SMCR8: variants seen among roughly 807,000 people sequenced by gnomAD.
The protein encoded by SMCR8 is SMCR8-C9orf72 complex subunit.
In SMCR8, 30 loss-of-function variants were observed where a neutral mutation model predicts 56.6. That is an observed-to-expected ratio of 0.53 (90% CI 0.40 to 0.72). The LOEUF is 0.72. SMCR8 is among the 30% of genes least tolerant of loss of function. The pLI, the probability that SMCR8 is intolerant of heterozygous loss-of-function variation, is 0.00. For missense variants in SMCR8, 1,198 were observed against 1,157.0 expected, an observed-to-expected ratio of 1.04 and a Z score of -0.51; for synonymous variants, 538 against 456.0, an observed-to-expected ratio of 1.18 and a Z score of -2.29.
Position 18,316,565 on chromosome 17 carries a change from G to A in SMCR8, c.776G>A (p.Arg259Gln), listed in dbSNP as rs200687289. The A allele has an allele frequency of 2.0e-5, 32 of 1,614,156 alleles. No homozygotes were observed. The highest frequency in any genetic ancestry group is 3.3e-4 in the Middle Eastern group (2 of 6,062). ...LLKQIRSYPH[R>Q]KLKGHDLCPG... ...AAGCAGATCCGCTCATACCCTCATC[G>A]GAAGTTGAAGGGGCATGATTTGTGT... The change falls in exon 1 of 2, where the codon CGG (arginine) becomes CAG (glutamine). Residue 259 changes from arginine to glutamine, a missense_variant. Physicochemically the swap from Arg to Gln is conservative, Grantham distance 43. Transcript: ENST00000406438.
Position 18,323,208 on chromosome 17 carries a change from G to A in SMCR8, c.*138G>A. 1.3e-6 allele frequency: 1 copy of A among 762,438 alleles called. No individual in the cohort carries two copies. The highest frequency in any genetic ancestry group is 2.7e-5 in the East Asian group (1 of 37,126). The allele number at this position is 762,438 out of a possible 1,614,324, so 47.2% of individuals were successfully genotyped here. Reference sequence around the variant, plus strand: ...CAGCATGGTTCCCACGTGGCTCCTAGTAGTTTTTAAGTTGGACATGGGCAG... The same window carrying A: ...CAGCATGGTTCCCACGTGGCTCCTAATAGTTTTTAAGTTGGACATGGGCAG... On this transcript the variant is annotated 3_prime_UTR_variant, in exon 2 of 2. Transcript: ENST00000406438.
rs1200123926 is a variant in SMCR8 at position 18,315,933 on chromosome 17, G to A, written c.144G>A (p.Leu48=). The A allele has an allele frequency of 6.2e-7, 1 of 1,614,174 alleles. No homozygotes were observed. The highest frequency in any genetic ancestry group is 8.5e-7 in the Non-Finnish European group (1 of 1,180,030). Residue 48 remains leucine, a synonymous_variant, in exon 1 of 2, where the codon CTG becomes CTA. Coordinates refer to ENST00000406438, the MANE Select transcript of SMCR8 (RefSeq NM_144775.3). ...ASQGANPWSK[L]SGAKFSRDFI... ...AGGGTGCTAACCCCTGGTCAAAACTGTCCGGGGCCAAGTTTTCGAGGGACT... is the reference window on the plus strand; with the variant it reads ...AGGGTGCTAACCCCTGGTCAAAACTATCCGGGGCCAAGTTTTCGAGGGACT...
In SMCR8 at chr17:18,316,185, C is replaced by T; in HGVS notation, c.396C>T (p.Ala132=). The part of the protein sequence containing the change: ...KVVLGDSKEG[A]FAYVHHLTLY... Reference sequence around the variant, plus strand: ...TGCTGGGAGATTCTAAGGAGGGCGCCTTTGCATACGTGCACCACCTTACCC... The same window carrying T: ...TGCTGGGAGATTCTAAGGAGGGCGCTTTTGCATACGTGCACCACCTTACCC... Residue 132 remains alanine (A), a synonymous_variant, in exon 1 of 2, where the codon GCC becomes GCT. Transcript: ENST00000406438. 3 of 1,614,030 alleles carry T rather than the reference C, an allele frequency of 1.9e-6. No homozygotes were observed. The highest frequency in any genetic ancestry group is 2.5e-6 in the Non-Finnish European group (3 of 1,180,026).
rs201100615 is a variant in SMCR8 at position 18,316,104 on chromosome 17, C to T, written c.315C>T (p.Gly105=). Residue 105 remains glycine, a synonymous_variant, in exon 1 of 2, where the codon GGC becomes GGT. Coordinates refer to ENST00000406438, the MANE Select transcript of SMCR8 (RefSeq NM_144775.3). ...TGGATTACCAGGCTTCCTTCGTGGG[C>T]CATCCTCCTGGATCTGCCTACCCCA... ...MSVDYQASFV[G]HPPGSAYPKL... is the part of the protein sequence containing the mutation. The T allele has an allele frequency of 6.1e-5, 99 of 1,614,162 alleles. No homozygotes were observed. Among genetic ancestry groups the T allele is most frequent in the Middle Eastern group, 4.9e-4 (3 of 6,062 alleles).
intron 1 of SMCR8, among the ~76,000 whole-genome samples, chr17:18,318,968 C>G (rs1202040108): frequency 3.9e-5 from 6 of 152,332 alleles, no homozygotes; most frequent in East Asian, 3.9e-4. Context: ...GCATCCTACA[C>G]AGGCATGAGG....
chr17:18,322,971 G>C lies in SMCR8; in HGVS notation c.2715G>C (p.Leu905=). 6.2e-7 allele frequency: 1 copy of C among 1,614,224 alleles called. No homozygotes were observed. ...AGGATGTTAGGGTGGTCCAGTACCT[G>C]GCTGAGCTGCTGAAGCTGCACTACA... ...VNEDVRVVQY[L]AELLKLHYMQ... is the part of the protein sequence containing the mutation. The change falls in exon 2 of 2, where the codon CTG becomes CTC. Residue 905 remains leucine, a synonymous_variant. Transcript: ENST00000406438.
At position 18,316,969 on chromosome 17, in the gene SMCR8, A is replaced by C. The variant is rs1434132429; in HGVS notation, c.1180A>C (p.Ser394Arg). ...ACAAGAAAGCATACCCTCTAAGCCCAGTCAAGACAGGCCGCCTTCCAGTTC... is the reference window on the plus strand; with the variant it reads ...ACAAGAAAGCATACCCTCTAAGCCCCGTCAAGACAGGCCGCCTTCCAGTTC... The part of the protein sequence containing the change: ...EKQESIPSKP[S>R]QDRPPSSSLE... Residue 394 changes from serine to arginine, a missense_variant, in exon 1 of 2, where the codon AGT becomes CGT. Physicochemically the swap from Ser to Arg is moderately radical, Grantham distance 110. Transcript: ENST00000406438. The C allele has an allele frequency of 6.2e-7, 1 of 1,614,254 alleles. No individual in the cohort carries two copies. Among genetic ancestry groups the C allele is most frequent in the East Asian group, 2.2e-5 (1 of 44,880 alleles).
rs1041934560 is a variant in SMCR8, at chr17:18,327,791, G to T, written c.*4721G>T. 2.6e-5 allele frequency: 4 copies of T among 152,596 alleles called. No homozygotes were observed. The highest frequency in any genetic ancestry group is 5.9e-5 in the Non-Finnish European group (4 of 68,032). 9.5% of individuals were successfully genotyped at this position (152,596 alleles called of 1,614,324 possible). On this transcript the variant is annotated 3_prime_UTR_variant, in exon 2 of 2. Transcript: ENST00000406438. ...CAGCGGCTGGTGCAGGAGTGCAGCTGGCGCGTGTGTGATAGCATCTCGTAG... is the reference window on the plus strand; with the variant it reads ...CAGCGGCTGGTGCAGGAGTGCAGCTTGCGCGTGTGTGATAGCATCTCGTAG...
Position 18,316,162 on chromosome 17 carries a change from C to T in SMCR8, c.373C>T (p.Leu125=), listed in dbSNP as rs780164768. ...LNFVEDSKVV[L]GDSKEGAFAY... is the part of the protein sequence containing the mutation. ...CTTCGTGGAGGACTCCAAGGTGGTG[C>T]TGGGAGATTCTAAGGAGGGCGCCTT... The change falls in exon 1 of 2, where the codon CTG becomes TTG. Residue 125 remains leucine (L), a synonymous_variant. Coordinates refer to ENST00000406438, the MANE Select transcript of SMCR8 (RefSeq NM_144775.3). 8.7e-6 allele frequency: 14 copies of T among 1,614,110 alleles called. No homozygotes were observed. Among genetic ancestry groups the T allele is most frequent in the South Asian group, 3.3e-5 (3 of 91,080 alleles).
At position 18,322,187 on chromosome 17, in the gene SMCR8, AT is replaced by A. The variant is rs1443440551; in HGVS notation, c.2361-425del. Among the ~76,000 whole-genome samples, 23 of 152,064 alleles carry A rather than the reference AT, an allele frequency of 1.5e-4. No homozygotes were observed. In the East Asian group the frequency reaches 4.1e-3, roughly 27 times the overall value. On this transcript the variant is annotated intron_variant, in intron 1 of 1. Coordinates refer to ENST00000406438, the MANE Select transcript of SMCR8 (RefSeq NM_144775.3). ...CCACCACACCCGGCTAATTTTTTGT[AT>A]TTTTAGTAGAGACAGGGTTTCACCG...
In SMCR8 at chr17:18,317,510, T is replaced by C. The variant is rs748346884; in HGVS notation, c.1721T>C (p.Ile574Thr). The C allele has an allele frequency of 1.4e-5, 23 of 1,613,824 alleles. No individual in the cohort carries two copies. The highest frequency in any genetic ancestry group is 2.7e-5 in the African/African-American group (2 of 74,872). The change falls in exon 1 of 2, where the codon ATA becomes ACA. Residue 574 changes from isoleucine to threonine, a missense_variant. Coordinates refer to ENST00000406438, the MANE Select transcript of SMCR8 (RefSeq NM_144775.3). ...CTGGGTGAGACAGAGGAAGGCAGCA[T>C]AGAAAACACCCCATCACAAATAGAC... ...PELGETEEGS[I>T]ENTPSQIDSS...
At chr17:18,321,316 T>C (rs1982489791) in intron 1 of SMCR8, among the ~76,000 whole-genome samples, 1 of 152,164 alleles carries the variant, frequency 6.6e-6, no homozygotes, top group African/African-American at 2.4e-5. Context: ...TTTTCCTGGC[T>C]CTGATGTGCC....
chr17:18,322,604 C>A lies in SMCR8; in HGVS notation c.2361-13C>A. 1 of 1,609,646 alleles carries A rather than the reference C, an allele frequency of 6.2e-7. No homozygotes were observed. Among genetic ancestry groups the A allele is most frequent in the Non-Finnish European group, 8.5e-7 (1 of 1,177,134 alleles). ...CCTTGCCCTTCCTCCTGACCTTGGCCTGTCTGTTTCAGAGTGGCCTCCCCT... is the reference window on the plus strand; with the variant it reads ...CCTTGCCCTTCCTCCTGACCTTGGCATGTCTGTTTCAGAGTGGCCTCCCCT... On this transcript the variant is annotated splice_polypyrimidine_tract_variant and intron_variant, in intron 1 of 1. Coordinates refer to ENST00000406438, the MANE Select transcript of SMCR8 (RefSeq NM_144775.3).
chr17:18,317,264 G>C lies in SMCR8; in HGVS notation c.1475G>C (p.Ser492Thr). The C allele has an allele frequency of 1.9e-6, 3 of 1,614,128 alleles. No individual in the cohort carries two copies. The highest frequency in any genetic ancestry group is 2.5e-6 in the Non-Finnish European group (3 of 1,180,036). ...CTTTCTAAATCTGACAGCCAGGCAA[G>C]CCTCACAGTACCATTGAGCCCCCAG... ...SVLSKSDSQA[S>T]LTVPLSPQVV... The change falls in exon 1 of 2, where the codon AGC (serine) becomes ACC (threonine). Residue 492 changes from serine (S) to threonine (T), a missense_variant. Coordinates refer to ENST00000406438, the MANE Select transcript of SMCR8 (RefSeq NM_144775.3).
At position 18,318,104 on chromosome 17, in the gene SMCR8, T is replaced by C. The variant is rs749402100; in HGVS notation, c.2315T>C (p.Leu772Ser). The change falls in exon 1 of 2, where the codon TTG becomes TCG. Residue 772 changes from leucine (L) to serine (S), a missense_variant. Physicochemically the swap from Leu to Ser is moderately radical, Grantham distance 145. Coordinates refer to ENST00000406438, the MANE Select transcript of SMCR8 (RefSeq NM_144775.3). Reference protein sequence around the residue: ...KPVKHWASSPLHIMDFQKWKL... With the variant: ...KPVKHWASSPSHIMDFQKWKL... ...GTGAAACATTGGGCCTCCTCCCCTT[T>C]GCACATTATGGATTTTCAGAAGTGG... The C allele has an allele frequency of 5.6e-6, 9 of 1,613,728 alleles. No individual in the cohort carries two copies. The highest frequency in any genetic ancestry group is 7.6e-6 in the Non-Finnish European group (9 of 1,179,702).
chr17:18,324,987 C>T lies in SMCR8; in HGVS notation c.*1917C>T, dbSNP rs1004887704. On this transcript the variant is annotated 3_prime_UTR_variant, in exon 2 of 2. Coordinates refer to ENST00000406438, the MANE Select transcript of SMCR8 (RefSeq NM_144775.3). The stretch of plus-strand genomic sequence containing the variant: ...GCTGTGCAGGGAGCCTGCTTCTAAT[C>T]GTGGGCTCCCTTATCTGTTACGGTT... 5 of 152,364 alleles carry T rather than the reference C, an allele frequency of 3.3e-5. No individual in the cohort carries two copies. Among genetic ancestry groups the T allele is most frequent in the East Asian group, 1.9e-4 (1 of 5,184 alleles). The allele number at this position is 152,364 out of a possible 1,614,324, so 9.4% of individuals were successfully genotyped here. A position where few individuals can be genotyped will look rare whatever the true frequency, so the allele number is the denominator to read the frequency against.
chr17:18,318,163 G>C lies in SMCR8; in HGVS notation c.2360+14G>C, dbSNP rs1402192842. 6.8e-6 allele frequency: 11 copies of C among 1,606,166 alleles called. No homozygotes were observed. The Admixed American group carries it at 1.8e-4, about 27-fold the overall frequency. Reference sequence around the variant, plus strand: ...TGGCTTGCAGAGGTAACTGGTTCCAGGTGGTGGGGAAGGGCCTTGGCCAGA... The same window carrying C: ...TGGCTTGCAGAGGTAACTGGTTCCACGTGGTGGGGAAGGGCCTTGGCCAGA... On this transcript the variant is annotated intron_variant, in intron 1 of 1. Transcript: ENST00000406438.
chr17:18,324,225 TCTGGGAGG>T lies in SMCR8; in HGVS notation c.*1159_*1166del, dbSNP rs1982584527. The T allele has an allele frequency of 6.6e-6, 1 of 152,248 alleles. No homozygotes were observed. The highest frequency in any genetic ancestry group is 2.1e-4 in the South Asian group (1 of 4,834). 9.4% of individuals were successfully genotyped at this position (152,248 alleles called of 1,614,324 possible). A position where few individuals can be genotyped will look rare whatever the true frequency, so the allele number is the denominator to read the frequency against. On this transcript the variant is annotated 3_prime_UTR_variant, in exon 2 of 2. Transcript: ENST00000406438. ...CACGTGGCGCTCTTCAGGTTCTGCC[TCTGGGAGG>T]CTGTGTGCACCTCAGTCACCACAGC... is the stretch of plus-strand genomic sequence containing the variant.
In SMCR8 at chr17:18,316,042, T is replaced by G. The variant is rs993184704; in HGVS notation, c.253T>G (p.Phe85Val). ...IPNDTKVFGT[F>V]DLNYFSLRIM... ...CAATGACACCAAAGTTTTTGGCACTTTTGATCTCAATTACTTCTCCCTGCG... is the reference window on the plus strand; with the variant it reads ...CAATGACACCAAAGTTTTTGGCACTGTTGATCTCAATTACTTCTCCCTGCG... The change falls in exon 1 of 2, where the codon TTT becomes GTT. Residue 85 changes from phenylalanine (F) to valine (V), a missense_variant. Transcript: ENST00000406438. 8.1e-6 allele frequency: 13 copies of G among 1,614,012 alleles called. No individual in the cohort carries two copies. Among genetic ancestry groups the G allele is most frequent in the Non-Finnish European group, 1.1e-5 (13 of 1,180,042 alleles).
Sources: gnomAD v4.1 joint callset for allele counts (sites outside exome capture counted in the v4.1 genomes callset) on GRCh38, gnomAD v4.1.1 for gene constraint, MANE v1.5 for transcripts, NCBI Gene and HGNC (gene_info 2026-07-23, HGNC 2026-07-21) for gene names.